WDFY4: variants seen among roughly 807,000 people sequenced by gnomAD.
WDFY4 encodes WDFY family member 4, also known as WD repeat- and FYVE domain-containing protein 4.
A neutral mutation model predicts 351.9 loss-of-function variants in WDFY4; 169 were observed. That is an observed-to-expected ratio of 0.48 (90% CI 0.42 to 0.55). The LOEUF is 0.55. WDFY4 is among the 20% of genes least tolerant of loss of function. The pLI is 0.00. For missense variants in WDFY4, 3,803 were observed against 3,935.6 expected (o/e 0.97, Z 0.90); for synonymous variants, 1,622 against 1,574.6 (o/e 1.03, Z -0.71).
chr10:48,963,958 C>T lies in WDFY4; in HGVS notation c.8340C>T (p.Phe2780=). ...VDAVNIFHPY[F]YGDRMDLSSI... is the part of the protein sequence containing the mutation. ...CTGTTAATATCTTCCACCCCTACTTCTACGGTGACAGAATGGACCTCAGCA... is the reference window on the plus strand; with the variant it reads ...CTGTTAATATCTTCCACCCCTACTTTTACGGTGACAGAATGGACCTCAGCA... Residue 2780 remains phenylalanine (F), a synonymous_variant, in exon 54 of 62, where the codon TTC becomes TTT. Transcript: ENST00000325239. 2.6e-6 allele frequency: 4 copies of T among 1,551,206 alleles called. No individual in the cohort carries two copies. Among genetic ancestry groups the T allele is most frequent in the South Asian group, 1.2e-5 (1 of 84,034 alleles).
In WDFY4 at chr10:48,936,908, A is replaced by G. The variant is rs150704525; in HGVS notation, c.7587-4898A>G. 3.3e-3 allele frequency among the ~76,000 whole-genome samples: 481 copies of G among 143,898 alleles called. 7 individuals carry two copies. Among genetic ancestry groups the G allele is most frequent in the African/African-American group, 0.011 (459 of 40,880 alleles). The allele number at this position is 143,898 out of a possible 152,430, so 94.4% of individuals were successfully genotyped here. ...TTTTGGCAACTGGCAGTAACTTTGT[A>G]TTGTATAAACTTCAGGTTTTGTTTT... On this transcript the variant is annotated intron_variant, in intron 47 of 61. Coordinates refer to ENST00000325239, the MANE Select transcript of WDFY4 (RefSeq NM_001394531.1).
At chr10:48,892,527 C>T (rs1374497556) in intron 44 of WDFY4, among the ~76,000 whole-genome samples, 1 of 152,244 alleles carries the variant, frequency 6.6e-6, no homozygotes, top group East Asian at 1.9e-4. Context: ...AGTGCTTTCT[C>T]TCCAGGGTCT....
chr10:48,936,995 C>T (rs1461187418), intron 47 of WDFY4, among the ~76,000 whole-genome samples: 1 of 151,936 alleles, frequency 6.6e-6, no homozygotes, highest in Non-Finnish European at 1.5e-5. Context: ...CCTCGGCTCA[C>T]TGCAAACTTC....
At chr10:48,900,974 T>A (rs1228042471) in intron 46 of WDFY4, among the ~76,000 whole-genome samples, 1 of 152,172 alleles carries the variant, frequency 6.6e-6, no homozygotes, top group Non-Finnish European at 1.5e-5. Context: ...GGAGTGGTTA[T>A]GTGCTGCTCC....
intron 47 of WDFY4, among the ~76,000 whole-genome samples, chr10:48,919,801 A>T (rs1246238386): frequency 6.6e-6 from 1 of 152,160 alleles, no homozygotes; most frequent in Non-Finnish European, 1.5e-5. Flanking sequence ...TTCAATACAG[A>T]TTTTTGGGGG....
chr10:48,755,298 T>C (rs1486045559), intron 12 of WDFY4, among the ~76,000 whole-genome samples: 1 of 152,158 alleles, frequency 6.6e-6, no homozygotes, highest in African/African-American at 2.4e-5. Context: ...GGGATGCAAA[T>C]GTTTCCTCCC....
chr10:48,922,931 G>A (rs1473967509), intron 47 of WDFY4, among the ~76,000 whole-genome samples: 1 of 152,196 alleles, frequency 6.6e-6, no homozygotes, highest in Non-Finnish European at 1.5e-5. Context: ...AGTTTTCTGG[G>A]TTGGTGTCAC....
intron 51 of WDFY4, among the ~76,000 whole-genome samples, chr10:48,956,713 C>T (rs1033106333): frequency 2.0e-5 from 3 of 152,184 alleles, no homozygotes; most frequent in South Asian, 2.1e-4. Flanking sequence ...TATTTCCTGC[C>T]TGTGGAACTT....
At chr10:48,749,929 C>T (rs1259950452) in intron 12 of WDFY4, among the ~76,000 whole-genome samples, 2 of 152,178 alleles carry the variant, frequency 1.3e-5, no homozygotes, top group Admixed American at 6.5e-5. Flanking sequence ...GGAGCAACCC[C>T]AGTCACCTTT....
chr10:48,787,909 C>T lies in WDFY4; in HGVS notation c.3809-621C>T, dbSNP rs1565198711. On this transcript the variant is annotated intron_variant, in intron 20 of 61. Transcript: ENST00000325239. The stretch of plus-strand genomic sequence containing the variant: ...TCTTCTTCTCCTTCTTCTTCTTCTT[C>T]TTCTTCTTCTTCTTCTTCTTCTTCT... 1.2e-3 allele frequency among the ~76,000 whole-genome samples: 44 copies of T among 37,774 alleles called. 3 individuals carry two copies. Among genetic ancestry groups the T allele is most frequent in the African/African-American group, 5.9e-3 (40 of 6,764 alleles). 24.8% of individuals were successfully genotyped at this position (37,774 alleles called of 152,430 possible). A position where few individuals can be genotyped will look rare whatever the true frequency, so the allele number is the denominator to read the frequency against.
intron 27 of WDFY4, among the ~76,000 whole-genome samples, chr10:48,807,486 T>G (rs543483893): frequency 3.3e-5 from 5 of 152,346 alleles, no homozygotes; most frequent in African/African-American, 1.2e-4. Flanking sequence ...AAGACCATGG[T>G]CTTCAGCACT....
At chr10:48,720,481 A>G (rs2064047158) in intron 3 of WDFY4, among the ~76,000 whole-genome samples, 1 of 151,910 alleles carries the variant, frequency 6.6e-6, no homozygotes, top group Non-Finnish European at 1.5e-5. Flanking sequence ...AGAGATACAG[A>G]GACACATACA....
intron 1 of WDFY4, among the ~76,000 whole-genome samples, chr10:48,687,400 T>C (rs1291682946): frequency 6.6e-6 from 1 of 152,196 alleles, no homozygotes; most frequent in Admixed American, 6.5e-5. Context: ...ACTTGTTATG[T>C]GTTATCTAAG....
chr10:48,852,589 G>A (rs1589752041), intron 39 of WDFY4, among the ~76,000 whole-genome samples: 1 of 152,126 alleles, frequency 6.6e-6, no homozygotes, highest in Admixed American at 6.6e-5. Context: ...ATGCTGCTCA[G>A]CTCTCAGGAG....
chr10:48,969,255 G>A lies in WDFY4; in HGVS notation c.8769+7G>A, dbSNP rs1842226791. The A allele has an allele frequency of 6.4e-7, 1 of 1,550,942 alleles. No individual in the cohort carries two copies. Among genetic ancestry groups the A allele is most frequent in the Middle Eastern group, 1.7e-4 (1 of 5,864 alleles). ...GAGCTACGGCTCCGACAAGGTGAGGGGGCTGCAGGGAGCAGGGGCAGCCTC... is the reference window on the plus strand; with the variant it reads ...GAGCTACGGCTCCGACAAGGTGAGGAGGCTGCAGGGAGCAGGGGCAGCCTC... On this transcript the variant is annotated splice_region_variant and intron_variant, in intron 56 of 61. Coordinates refer to ENST00000325239, the MANE Select transcript of WDFY4 (RefSeq NM_001394531.1).
At chr10:48,768,875 C>A (rs2065768379) in intron 13 of WDFY4, among the ~76,000 whole-genome samples, 1 of 152,100 alleles carries the variant, frequency 6.6e-6, no homozygotes, top group African/African-American at 2.4e-5. Context: ...TAAGCAGGAG[C>A]TCAGCAAAGG....
intron 44 of WDFY4, among the ~76,000 whole-genome samples, chr10:48,895,030 G>A (rs1179967747): frequency 6.6e-6 from 1 of 152,222 alleles, no homozygotes; most frequent in African/African-American, 2.4e-5. Context: ...CTACCACAAT[G>A]CGGCTTAGAG....
At chr10:48,700,900 G>T (rs2063461862) in intron 1 of WDFY4, among the ~76,000 whole-genome samples, 2 of 152,112 alleles carry the variant, frequency 1.3e-5, no homozygotes, top group Admixed American at 1.3e-4. Context: ...ATTTATAATT[G>T]TAGTACATAC....
chr10:48,765,766 C>G (rs1465394421), intron 13 of WDFY4, among the ~76,000 whole-genome samples: 1 of 152,152 alleles, frequency 6.6e-6, no homozygotes, highest in African/African-American at 2.4e-5. Context: ...ATGGCACAGT[C>G]AGGCCAGGAC....
Sources: allele counts gnomAD v4.1 joint callset (sites outside exome capture counted in the v4.1 genomes callset), GRCh38; gene constraint gnomAD v4.1.1; transcripts MANE v1.5; gene names NCBI Gene and HGNC (gene_info 2026-07-23, HGNC 2026-07-21).